The following CABLES1 variants were observed in gnomAD, a reference collection of about 807,000 sequenced individuals.
CABLES1 encodes the protein CDK5 and ABL1 enzyme substrate 1.
In CABLES1, 36 loss-of-function variants were observed where a neutral mutation model predicts 57.8. The ratio of observed to expected loss-of-function variants is 0.62; its 90% CI spans 0.48 to 0.82. The LOEUF (loss-of-function observed/expected upper bound fraction) is 0.82. Ranked by LOEUF, CABLES1 falls within the 40% of genes least tolerant of loss-of-function variation. The probability of loss-of-function intolerance (pLI) is 0.00; values close to 1 mark genes in which losing one functional copy is unlikely to be tolerated. For missense variants in CABLES1, 767 were observed against 836.6 expected, an observed-to-expected ratio of 0.92 and a Z score of 1.03; for synonymous variants, 374 against 363.0, an observed-to-expected ratio of 1.03 and a Z score of -0.35.
chr18:23,224,561 CTTTTTTTTTTTT>C (rs777471596), intron 4 of CABLES1, among the ~76,000 whole-genome samples: 1 of 89,660 alleles, frequency 1.1e-5, no homozygotes, highest in Admixed American at 1.5e-4. Flanking sequence ...AGTCACAGAG[CTTTTTTTTTTTT>C]TTTTTTTTTT....
At chr18:23,204,007 G>A (rs937664314) in intron 3 of CABLES1, among the ~76,000 whole-genome samples, 1 of 152,178 alleles carries the variant, frequency 6.6e-6, no homozygotes, top group African/African-American at 2.4e-5. Flanking sequence ...AGGAGGACAG[G>A]GAGTGGACAG....
rs976763359 is a variant in CABLES1 at position 23,258,235 on chromosome 18, A to G, written c.*868A>G. The stretch of plus-strand genomic sequence containing the variant: ...AACCCTCGCACTTTCTCCACTGTGG[A>G]GATGGCTGGGGCGGCGCCCCACAGT... On this transcript the variant is annotated 3_prime_UTR_variant, in exon 10 of 10. Coordinates refer to ENST00000256925, the MANE Select transcript of CABLES1 (RefSeq NM_001100619.3). The G allele has an allele frequency of 1.6e-4, 24 of 152,592 alleles. No individual in the cohort carries two copies. The highest frequency in any genetic ancestry group is 7.9e-4 in the Admixed American group (12 of 15,272). 9.5% of individuals were successfully genotyped at this position (152,592 alleles called of 1,614,324 possible).
rs1258524348 is a variant in CABLES1 at position 23,136,321 on chromosome 18, C to T, written c.559C>T (p.Pro187Ser). 2 of 1,406,704 alleles carry T rather than the reference C, an allele frequency of 1.4e-6. No homozygotes were observed. The highest frequency in any genetic ancestry group is 1.8e-6 in the Non-Finnish European group (2 of 1,085,708). The allele number at this position is 1,406,704 out of a possible 1,614,324, so 87.1% of individuals were successfully genotyped here. A position where few individuals can be genotyped will look rare whatever the true frequency, so the allele number is the denominator to read the frequency against. Residue 187 changes from proline to serine, a missense_variant, in exon 1 of 10, where the codon CCT becomes TCT. Pro to Ser is a moderately conservative substitution (Grantham distance 74). Around this residue, in one of 4 missense-constraint regions of CABLES1, gnomAD observed 529 missense variants for 622.8 expected, o/e 0.85. Coordinates refer to ENST00000256925, the MANE Select transcript of CABLES1 (RefSeq NM_001100619.3). ...GCAGTGGCAGCCGCCCCGGCCGGCGCCTCTCGCCGCCTGTGCCCAACTGCA... is the reference window on the plus strand; with the variant it reads ...GCAGTGGCAGCCGCCCCGGCCGGCGTCTCTCGCCGCCTGTGCCCAACTGCA... ...GEQWQPPRPA[P>S]LAACAQLQLL...
intron 1 of CABLES1, among the ~76,000 whole-genome samples, chr18:23,154,731 A>G (rs2046954741): frequency 6.6e-6 from 1 of 152,108 alleles, no homozygotes; most frequent in Non-Finnish European, 1.5e-5. Flanking sequence ...TAGAGCAGGG[A>G]TCCCTTCTAA....
rs535319001 is a variant in CABLES1 at position 23,193,871 on chromosome 18, AAAAAC to A, written c.918-562_918-558del. Reference sequence around the variant, plus strand: ...CAAATGTTTATTTAAAATTTATCTTAAAAACAAAACAAAACAAAAACAGCAACTAG... The same window carrying A: ...CAAATGTTTATTTAAAATTTATCTTAAAAACAAAACAAAAACAGCAACTAG... On this transcript the variant is annotated intron_variant, in intron 2 of 9. Transcript: ENST00000256925. Among the ~76,000 whole-genome samples, 20 of 152,034 alleles carry A rather than the reference AAAAAC, an allele frequency of 1.3e-4. No individual in the cohort carries two copies. In the East Asian group the frequency reaches 3.5e-3, roughly 26 times the overall value.
At chr18:23,173,689 G>T (rs923203093) in intron 1 of CABLES1, among the ~76,000 whole-genome samples, 1 of 152,168 alleles carries the variant, frequency 6.6e-6, no homozygotes, top group Admixed American at 6.5e-5. Context: ...TTGGCTGGGC[G>T]CAGTGGCTCA....
chr18:23,253,122 A>G (rs2048080191), intron 8 of CABLES1, 56 bp downstream of exon 8: 9 of 959,188 alleles, frequency 9.4e-6, no homozygotes, highest in Admixed American at 3.5e-5. Context: ...CTTTCCACAC[A>G]CCGTAAGCTT....
At chr18:23,173,363 C>T (rs2047097468) in intron 1 of CABLES1, among the ~76,000 whole-genome samples, 1 of 152,188 alleles carries the variant, frequency 6.6e-6, no homozygotes, top group Non-Finnish European at 1.5e-5. Flanking sequence ...GTCTGGTCCC[C>T]AGTTCTTGCC....
chr18:23,145,674 C>T (rs1380236211), intron 1 of CABLES1, among the ~76,000 whole-genome samples: 1 of 152,132 alleles, frequency 6.6e-6, no homozygotes, highest in Non-Finnish European at 1.5e-5. Context: ...TTAGCTATTA[C>T]CCTGTTTTAC....
chr18:23,212,986 G>T (rs889093769), intron 3 of CABLES1, among the ~76,000 whole-genome samples: 2 of 152,106 alleles, frequency 1.3e-5, no homozygotes, highest in Non-Finnish European at 2.9e-5. Context: ...CGGGTAGAAC[G>T]GTAAAATCAG....
intron 1 of CABLES1, among the ~76,000 whole-genome samples, chr18:23,141,690 G>C (rs1598794771): frequency 6.6e-6 from 1 of 152,324 alleles, no homozygotes; most frequent in East Asian, 1.9e-4. Context: ...CTGCAATGTG[G>C]GCGAGCTCAG....
intron 7 of CABLES1, among the ~76,000 whole-genome samples, chr18:23,250,047 C>G (rs1453661679): frequency 6.6e-6 from 1 of 152,170 alleles, no homozygotes; most frequent in Non-Finnish European, 1.5e-5. Flanking sequence ...AGTGAGAGCT[C>G]TCTTTCAAGG....
At chr18:23,164,450 A>G (rs1456675303) in intron 1 of CABLES1, among the ~76,000 whole-genome samples, 1 of 149,202 alleles carries the variant, frequency 6.7e-6, no homozygotes, top group East Asian at 2.0e-4. Context: ...GTTCCTTGGT[A>G]TTTTTTTTTT....
chr18:23,245,613 A>T (rs2047857609), intron 7 of CABLES1, among the ~76,000 whole-genome samples: 1 of 152,126 alleles, frequency 6.6e-6, no homozygotes, highest in African/African-American at 2.4e-5. Flanking sequence ...TTATCTCAGA[A>T]GGAATTTGTC....
At chr18:23,224,561 C>CTTTTTTTTTTTTT (rs777471596) in intron 4 of CABLES1, among the ~76,000 whole-genome samples, 1 of 89,660 alleles carries the variant, frequency 1.1e-5, no homozygotes, top group Non-Finnish European at 2.1e-5. Context: ...AGTCACAGAG[C>CTTTTTTTTTTTTT]TTTTTTTTTT....
chr18:23,135,767 C>A lies in CABLES1; in HGVS notation c.5C>A (p.Ala2Glu). The A allele has an allele frequency of 1.0e-6, 1 of 968,060 alleles. No homozygotes were observed. The highest frequency in any genetic ancestry group is 1.2e-6 in the Non-Finnish European group (1 of 815,804). The allele number at this position is 968,060 out of a possible 1,614,324, so 60.0% of individuals were successfully genotyped here. A position where few individuals can be genotyped will look rare whatever the true frequency, so the allele number is the denominator to read the frequency against. M[A>E]AAAAAATTAA... is the part of the protein sequence containing the mutation. ...ATCCCGCCGCAGACGGACACAATGG[C>A]GGCGGCGGCGGCGGCCGCCACCACG... Residue 2 changes from alanine to glutamate, a missense_variant, in exon 1 of 10, where the codon GCG becomes GAG. Physicochemically the swap from Ala to Glu is moderately radical, Grantham distance 107. Coordinates refer to ENST00000256925, the MANE Select transcript of CABLES1 (RefSeq NM_001100619.3).
intron 3 of CABLES1, among the ~76,000 whole-genome samples, chr18:23,209,331 T>A (rs1428539726): frequency 6.6e-6 from 1 of 152,184 alleles, no homozygotes; most frequent in East Asian, 1.9e-4. Flanking sequence ...TTGGAACACA[T>A]CCCTTGTGGA....
chr18:23,140,745 C>T (rs2046853005), intron 1 of CABLES1, among the ~76,000 whole-genome samples: 1 of 152,032 alleles, frequency 6.6e-6, no homozygotes, highest in Non-Finnish European at 1.5e-5. Flanking sequence ...ACCCAGGGTA[C>T]TATTAAAAAA....
intron 7 of CABLES1, among the ~76,000 whole-genome samples, chr18:23,239,544 G>GCATTGAACTTGTTCT (rs1431615023): frequency 2.6e-5 from 4 of 152,256 alleles, no homozygotes; most frequent in African/African-American, 9.6e-5. Flanking sequence ...CGTTTCTCAT[G>GCATTGAACTTGTTCT]CATTTGCATT....
Sources: allele counts gnomAD v4.1 joint callset (sites outside exome capture counted in the v4.1 genomes callset), GRCh38; gene constraint gnomAD v4.1.1; regional missense constraint gnomAD v4.1.1; transcripts MANE v1.5; gene names NCBI Gene and HGNC (gene_info 2026-07-23, HGNC 2026-07-21).